The following CTTNBP2 variants were observed in gnomAD, a reference collection of about 807,000 sequenced individuals.
CTTNBP2 encodes the protein cortactin-binding protein 2.
Under a neutral mutation model 156.9 loss-of-function variants are expected in CTTNBP2, and 108 were observed. That is an observed-to-expected ratio of 0.69 (90% CI 0.59 to 0.81). The LOEUF (loss-of-function observed/expected upper bound fraction) is 0.81. CTTNBP2 is among the 30% of genes least tolerant of loss of function. The pLI is 0.00. For synonymous variants in CTTNBP2, 767 were observed against 751.8 expected, an observed-to-expected ratio of 1.02 and a Z score of -0.33; for missense variants, 1,924 against 2,035.4, an observed-to-expected ratio of 0.95 and a Z score of 1.05.
At chr7:117,853,923 C>A (rs1034797381) in intron 2 of CTTNBP2, among the ~76,000 whole-genome samples, 3 of 152,076 alleles carry the variant, frequency 2.0e-5, no homozygotes, top group Admixed American at 2.0e-4. Context: ...TATGGAAAAG[C>A]AATGTTTTGC....
chr7:117,856,908 A>G (rs1034654031), intron 2 of CTTNBP2, among the ~76,000 whole-genome samples: 8 of 152,240 alleles, frequency 5.3e-5, no homozygotes, highest in Non-Finnish European at 1.2e-4. Flanking sequence ...CTGTAAGAAT[A>G]CCAGTAGCAA....
At chr7:117,712,529 G>A (rs887805214) in intron 22 of CTTNBP2, 5 of 152,154 alleles carry the variant, frequency 3.3e-5, no homozygotes, top group African/African-American at 1.2e-4. Context: ...AACATGACAT[G>A]ACTCCTACTA....
intron 19 of CTTNBP2, among the ~76,000 whole-genome samples, chr7:117,724,231 TTTA>T (rs1288230892): frequency 1.3e-5 from 2 of 152,212 alleles, no homozygotes; most frequent in African/African-American, 2.4e-5. Flanking sequence ...TGCCAATGAT[TTTA>T]TTATGTAATA....
intron 2 of CTTNBP2, among the ~76,000 whole-genome samples, chr7:117,811,858 GTAAAAATTTTAATTAAA>G (rs1800305584): frequency 5.1e-5 from 2 of 38,980 alleles, no homozygotes; most frequent in African/African-American, 3.6e-4. Context: ...AAATTTTAAT[GTAAAAATTTTAATTAAA>G]TTAAAATTTT....
intron 22 of CTTNBP2, among the ~76,000 whole-genome samples, chr7:117,716,882 C>T (rs1055243800): frequency 2.1e-4 from 32 of 152,192 alleles, no homozygotes; most frequent in Non-Finnish European, 4.4e-5. Context: ...CCCAGTGCCG[C>T]TAGGTGATCA....
chr7:117,778,203 C>T (rs1798209603), intron 7 of CTTNBP2, among the ~76,000 whole-genome samples: 1 of 152,048 alleles, frequency 6.6e-6, no homozygotes, highest in Non-Finnish European at 1.5e-5. Context: ...AGGCACTGAC[C>T]TAACTCTGTG....
chr7:117,726,042 G>A lies in CTTNBP2; in HGVS notation c.4056-785C>T, dbSNP rs79782523. Among the ~76,000 whole-genome samples, 827 of 152,288 alleles carry A rather than the reference G, an allele frequency of 5.4e-3. 13 individuals are homozygous for A. Among genetic ancestry groups the A allele is most frequent in the African/African-American group, 0.017 (693 of 41,540 alleles). The stretch of plus-strand genomic sequence containing the variant: ...TCTGCCTGTCCCAAGGCAAGGGTGC[G>A]TGTGGGTGGGCTCAGTTCTATAGGG... On this transcript the variant is annotated intron_variant, in intron 17 of 22. Coordinates refer to ENST00000160373, the MANE Select transcript of CTTNBP2 (RefSeq NM_033427.3).
intron 18 of CTTNBP2, 111 bp from the exon 19 acceptor site, chr7:117,724,843 T>A: frequency 1.5e-6 from 2 of 1,307,462 alleles, no homozygotes; most frequent in East Asian, 4.9e-5. Flanking sequence ...TTATTTAGTA[T>A]CCAAGCTGGG....
At chr7:117,790,758 T>C (rs1465730548) in intron 4 of CTTNBP2, among the ~76,000 whole-genome samples, 1 of 152,214 alleles carries the variant, frequency 6.6e-6, no homozygotes, top group Non-Finnish European at 1.5e-5. Flanking sequence ...GAACACGTAC[T>C]GTCTGATCAT....
At chr7:117,785,125 A>G (rs1798640701) in intron 4 of CTTNBP2, among the ~76,000 whole-genome samples, 1 of 152,218 alleles carries the variant, frequency 6.6e-6, no homozygotes, top group Admixed American at 6.5e-5. Flanking sequence ...TACAATTGTG[A>G]AGACTGTATC....
intron 9 of CTTNBP2, among the ~76,000 whole-genome samples, chr7:117,761,212 C>T (rs1797195925): frequency 6.6e-6 from 1 of 152,134 alleles, no homozygotes; most frequent in African/African-American, 2.4e-5. Flanking sequence ...TCTCTCTGTA[C>T]CCCAATTTCT....
intron 22 of CTTNBP2, among the ~76,000 whole-genome samples, chr7:117,717,444 A>G (rs1476865066): frequency 6.6e-6 from 1 of 151,592 alleles, no homozygotes; most frequent in Non-Finnish European, 1.5e-5. Flanking sequence ...CAGTTTTGTT[A>G]CCTTAGTACC....
In CTTNBP2 at chr7:117,721,077, A is replaced by G. The variant is rs1196895868; in HGVS notation, c.4501T>C (p.Ser1501Pro). ...GAAAGGGGAACTTACTTTTGTTTTG[A>G]CAGAGAAGCATTCCTGTTACAATTC... ...QLNCNRNASLSKQKSLENDLS... is the reference protein window; with the variant it reads ...QLNCNRNASLPKQKSLENDLS... The change falls in exon 20 of 23, where the codon TCA (serine) becomes CCA (proline). Residue 1501 changes from serine to proline, a missense_variant. Coordinates refer to ENST00000160373, the MANE Select transcript of CTTNBP2 (RefSeq NM_033427.3). The G allele has an allele frequency of 1.2e-6, 2 of 1,602,440 alleles. No homozygotes were observed. Among genetic ancestry groups the G allele is most frequent in the Non-Finnish European group, 8.6e-7 (1 of 1,169,476 alleles).
intron 2 of CTTNBP2, among the ~76,000 whole-genome samples, chr7:117,831,536 G>A (rs771763255): frequency 6.6e-6 from 1 of 152,092 alleles, no homozygotes; most frequent in Non-Finnish European, 1.5e-5. Context: ...TCTCAATACT[G>A]TGAGCTTGGG....
At chr7:117,768,026 C>T (rs1330382406) in intron 8 of CTTNBP2, among the ~76,000 whole-genome samples, 1 of 151,798 alleles carries the variant, frequency 6.6e-6, no homozygotes, top group Non-Finnish European at 1.5e-5. Flanking sequence ...AATGAATAGA[C>T]CAGAAAGCAT....
intron 14 of CTTNBP2, among the ~76,000 whole-genome samples, chr7:117,736,066 A>G (rs1795670632): frequency 6.6e-6 from 1 of 152,234 alleles, no homozygotes; most frequent in Non-Finnish European, 1.5e-5. Flanking sequence ...TGTAAACATA[A>G]GTAGTATATA....
chr7:117,867,779 G>A (rs1260285023), intron 1 of CTTNBP2, among the ~76,000 whole-genome samples: 4 of 152,148 alleles, frequency 2.6e-5, no homozygotes, highest in Non-Finnish European at 4.4e-5. Context: ...CATATAGTAC[G>A]AGAACATGAG....
chr7:117,815,681 A>G (rs1342786806), intron 2 of CTTNBP2, among the ~76,000 whole-genome samples: 1 of 152,180 alleles, frequency 6.6e-6, no homozygotes, highest in African/African-American at 2.4e-5. Flanking sequence ...GCATGCTATT[A>G]ATCAGTGTGA....
chr7:117,719,641 C>T lies in CTTNBP2; in HGVS notation c.4512-5G>A, dbSNP rs771708340. 8 of 1,605,626 alleles carry T rather than the reference C, an allele frequency of 5.0e-6. No individual in the cohort carries two copies. Among genetic ancestry groups the T allele is most frequent in the Non-Finnish European group, 6.8e-6 (8 of 1,175,540 alleles). ...GATAGATCATTCTCTAAAGACCTAA[C>T]ACAAAGTTCAGAAAAACGTTTTTCA... On this transcript the variant is annotated splice_region_variant and splice_polypyrimidine_tract_variant and intron_variant, in intron 20 of 22. Transcript: ENST00000160373.
Sources: gnomAD v4.1 joint callset for allele counts (sites outside exome capture counted in the v4.1 genomes callset) on GRCh38, gnomAD v4.1.1 for gene constraint, MANE v1.5 for transcripts, NCBI Gene and HGNC (gene_info 2026-07-23, HGNC 2026-07-21) for gene names.